The following NOTCH1 variants were observed in gnomAD, a reference collection of about 807,000 sequenced individuals.
NOTCH1 encodes the protein neurogenic locus notch homolog protein 1.
In NOTCH1, 37 loss-of-function variants were observed where a neutral mutation model predicts 254.8. That is an observed-to-expected ratio of 0.15 (90% confidence interval 0.11 to 0.19). The LOEUF is 0.19. NOTCH1 is among the 10% of genes least tolerant of loss of function. The pLI is 1.00. For missense variants in NOTCH1, 2,972 were observed against 3,708.6 expected (o/e 0.80, Z 5.16); for synonymous variants, 1,731 against 1,618.1 (o/e 1.07, Z -1.68).
chr9:136,497,505 C>G lies in NOTCH1; in HGVS notation c.6234G>C (p.Lys2078Asn). Residue 2078 changes from lysine to asparagine, a missense_variant, in exon 34 of 34, where the codon AAG becomes AAC. This residue lies in a region of NOTCH1 where 421 missense variants were observed against 604.4 expected (regional missense o/e 0.70). Transcript: ENST00000651671. ...GGTTGGCAAAGTGGTCCAGCAGCAC[C>G]TTGGCGGTCTCGTAGCTGCCCTCCC... Reference protein sequence around the residue: ...AAREGSYETAKVLLDHFANRD... With the variant: ...AAREGSYETANVLLDHFANRD... 6.2e-7 allele frequency: 1 copy of G among 1,611,438 alleles called. No individual in the cohort carries two copies. The highest frequency in any genetic ancestry group is 8.5e-7 in the Non-Finnish European group (1 of 1,179,452).
At chr9:136,508,751 G>C (rs1843129135) in intron 19 of NOTCH1, 119 bp downstream of exon 19, 1 of 1,022,380 alleles carries the variant, frequency 9.8e-7, no homozygotes, top group Non-Finnish European at 1.4e-6. Context: ...CTCTGCCCGG[G>C]GGTGTGGGGG....
chr9:136,524,080 A>C, intron 2 of NOTCH1, 101 bp from the exon 3 acceptor site: 2 of 1,448,742 alleles, frequency 1.4e-6, no homozygotes, highest in Non-Finnish European at 1.9e-6. Flanking sequence ...GCCTCCCCCC[A>C]CACCCCGGGC....
At chr9:136,516,312 C>T (rs959489573) in intron 9 of NOTCH1, among the ~76,000 whole-genome samples, 7 of 152,236 alleles carry the variant, frequency 4.6e-5, no homozygotes, top group African/African-American at 1.7e-4. Flanking sequence ...ACAGAAGGGG[C>T]CTTTTTCCCA....
At chr9:136,525,424 C>T (rs1564204801) in intron 2 of NOTCH1, among the ~76,000 whole-genome samples, 2 of 152,380 alleles carry the variant, frequency 1.3e-5, no homozygotes, top group South Asian at 4.1e-4. Context: ...CCGGGCGCCG[C>T]TCTTCCCAGT....
At chr9:136,527,116 C>T (rs1305725496) in intron 2 of NOTCH1, among the ~76,000 whole-genome samples, 2 of 152,190 alleles carry the variant, frequency 1.3e-5, no homozygotes, top group Non-Finnish European at 2.9e-5. Flanking sequence ...CAGCTTTGGG[C>T]CCAGTCTCCC....
chr9:136,501,731 G>A lies in NOTCH1; in HGVS notation c.5638+17C>T, dbSNP rs2133328396. On this transcript the variant is annotated intron_variant, in intron 30 of 33. Coordinates refer to ENST00000651671, the MANE Select transcript of NOTCH1 (RefSeq NM_017617.5). The stretch of plus-strand genomic sequence containing the variant: ...GGGCCACGGGGCTAGGGAAGCCCTG[G>A]CTGCTGGCACCCTTACCAGGCCCGC... 2 of 1,609,760 alleles carry A rather than the reference G, an allele frequency of 1.2e-6. No homozygotes were observed. Among genetic ancestry groups the A allele is most frequent in the Non-Finnish European group, 1.7e-6 (2 of 1,179,642 alleles).
chr9:136,515,187 A>G, intron 12 of NOTCH1, 103 bp downstream of exon 12: 1 of 1,063,134 alleles, frequency 9.4e-7, no homozygotes. Flanking sequence ...CCAGGTGGGC[A>G]GCACCAAAGC....
rs776758626 is a variant in NOTCH1 at position 136,523,972 on chromosome 9, C to G, written c.148G>C (p.Gly50Arg). The G allele has an allele frequency of 6.4e-7, 1 of 1,555,834 alleles. No homozygotes were observed. Among genetic ancestry groups the G allele is most frequent in the Admixed American group, 1.9e-5 (1 of 51,900 alleles). Residue 50 changes from glycine to arginine, a missense_variant, in exon 3 of 34, where the codon GGG becomes CGG. This residue lies in a region of NOTCH1 where 374 missense variants were observed against 496.3 expected (regional missense o/e 0.75). Transcript: ENST00000651671. ...TGGCATCGCGGGCCCACGAAGGCCC[C>G]GCCACAGCTGTTGGCAGATGTGCCA... Reference protein sequence around the residue: ...ANGTEACVCGGAFVGPRCQDP... With the variant: ...ANGTEACVCGRAFVGPRCQDP...
Position 136,545,813 on chromosome 9 carries a change from C to G in NOTCH1, c.-27G>C. 2.4e-6 allele frequency: 3 copies of G among 1,237,056 alleles called. No individual in the cohort carries two copies. Among genetic ancestry groups the G allele is most frequent in the Non-Finnish European group, 3.0e-6 (3 of 986,624 alleles). 76.6% of individuals were successfully genotyped at this position (1,237,056 alleles called of 1,614,324 possible). ...CCTCCCCACCGGCTGCCCTCTGCGC[C>G]CGGGCGGCGGCCTCCTGCGCTGGCC... On this transcript the variant is annotated 5_prime_UTR_variant, in exon 1 of 34. Coordinates refer to ENST00000651671, the MANE Select transcript of NOTCH1 (RefSeq NM_017617.5). This position sits in a 1 kb window ranked among gnomAD's most constrained non-coding sequence, Gnocchi z 6.8.
rs373863963 is a variant in NOTCH1 at position 136,512,906 on chromosome 9, C to T, written c.2467+115G>A. 566 of 500,926 alleles carry T rather than the reference C, an allele frequency of 1.1e-3. 3 individuals are homozygous for T. Among genetic ancestry groups the T allele is most frequent in the African/African-American group, 0.01 (522 of 51,438 alleles). 31.0% of individuals were successfully genotyped at this position (500,926 alleles called of 1,614,324 possible). A position where few individuals can be genotyped will look rare whatever the true frequency, so the allele number is the denominator to read the frequency against. ...ACCCTCCAGTCACGGCTTCCCAGGC[C>T]GCCCCCACCCCTGGCCCCACCCTCT... On this transcript the variant is annotated intron_variant, in intron 15 of 33. Coordinates refer to ENST00000651671, the MANE Select transcript of NOTCH1 (RefSeq NM_017617.5).
chr9:136,518,393 CCCG>C lies in NOTCH1; in HGVS notation c.1100-104_1100-102del. 4 of 1,462,878 alleles carry C rather than the reference CCCG, an allele frequency of 2.7e-6. No individual in the cohort carries two copies. The East Asian group carries it at 9.9e-5, about 36-fold the overall frequency. The allele number at this position is 1,462,878 out of a possible 1,614,324, so 90.6% of individuals were successfully genotyped here. On this transcript the variant is annotated intron_variant, in intron 6 of 33. Coordinates refer to ENST00000651671, the MANE Select transcript of NOTCH1 (RefSeq NM_017617.5). ...CCCACTGACACCCCAGGAGGAGCTGCCCGCCGTGACCCCGTCGGGCATCCCGTG... is the reference window on the plus strand; with the variant it reads ...CCCACTGACACCCCAGGAGGAGCTGCCCGTGACCCCGTCGGGCATCCCGTG...
chr9:136,505,126 C>T (rs2133337971), intron 25 of NOTCH1, 22 bp from the exon 26 acceptor site: 1 of 1,602,666 alleles, frequency 6.2e-7, no homozygotes, highest in Non-Finnish European at 8.5e-7. Flanking sequence ...GGGACACGCT[C>T]AGGCCGCCTT....
At chr9:136,512,574 A>C (rs778435476) in intron 15 of NOTCH1, among the ~76,000 whole-genome samples, 17 of 152,188 alleles carry the variant, frequency 1.1e-4, no homozygotes, top group Non-Finnish European at 1.9e-4. Context: ...GGAATCCCTC[A>C]GGTCCGGCTG....
intron 15 of NOTCH1, 74 bp from the exon 16 acceptor site, chr9:136,511,345 G>C: frequency 6.6e-7 from 1 of 1,523,608 alleles, no homozygotes; most frequent in African/African-American, 1.4e-5. Context: ...CCGCCTGCTG[G>C]TCTTTCCGCC....
intron 18 of NOTCH1, 86 bp downstream of exon 18, chr9:136,509,647 G>A (rs1321379044): frequency 2.2e-5 from 28 of 1,248,162 alleles, no homozygotes; most frequent in Middle Eastern, 3.9e-4. Context: ...CTAGGCGGAC[G>A]CCTGCATGGT....
At chr9:136,530,919 G>A (rs1034154981) in intron 2 of NOTCH1, among the ~76,000 whole-genome samples, 2 of 152,224 alleles carry the variant, frequency 1.3e-5, no homozygotes, top group Admixed American at 1.3e-4. Flanking sequence ...ATCACAGGCT[G>A]CGCTCCGGGC....
intron 2 of NOTCH1, among the ~76,000 whole-genome samples, chr9:136,526,983 G>C (rs1297298546): frequency 6.6e-6 from 1 of 152,184 alleles, no homozygotes; most frequent in South Asian, 2.1e-4. Flanking sequence ...ACACCACAGG[G>C]AAGGCCCCTG....
At position 136,500,599 on chromosome 9, in the gene NOTCH1, T is replaced by C. The variant is rs1589055403; in HGVS notation, c.5887A>G (p.Thr1963Ala). 4 of 1,611,954 alleles carry C rather than the reference T, an allele frequency of 2.5e-6. No individual in the cohort carries two copies. The highest frequency in any genetic ancestry group is 3.4e-6 in the Non-Finnish European group (4 of 1,179,856). ...GCAGACACAGCCGCATGCAGCGGGG[T>C]GCGGCCCATGTTGTCCTGGATGTTG... ...DANIQDNMGRTPLHAAVSADA... is the reference protein window; with the variant it reads ...DANIQDNMGRAPLHAAVSADA... Residue 1963 changes from threonine (T) to alanine (A), a missense_variant, in exon 31 of 34, where the codon ACC becomes GCC. Physicochemically the swap from Thr to Ala is moderately conservative, Grantham distance 58. Coordinates refer to ENST00000651671, the MANE Select transcript of NOTCH1 (RefSeq NM_017617.5).
intron 33 of NOTCH1, among the ~76,000 whole-genome samples, chr9:136,498,685 C>T (rs1311203410): frequency 6.6e-6 from 1 of 152,220 alleles, no homozygotes; most frequent in Non-Finnish European, 1.5e-5. Context: ...ACAGCTGGAC[C>T]TGCACTTGGA....
Sources: gnomAD v4.1 joint callset for allele counts (sites outside exome capture counted in the v4.1 genomes callset) on GRCh38, gnomAD v4.1.1 for gene constraint, gnomAD v4.1.1 regional missense constraint, Gnocchi (gnomAD v3.1) non-coding constraint, MANE v1.5 for transcripts, NCBI Gene and HGNC (gene_info 2026-07-23, HGNC 2026-07-21) for gene names.